The following CFAP61 variants were observed in gnomAD, a reference collection of about 807,000 sequenced individuals.
CFAP61 encodes the protein cilia- and flagella-associated protein 61.
Under a neutral mutation model 135.6 loss-of-function variants are expected in CFAP61, and 107 were observed. The observed-to-expected ratio is 0.79, with a 90% CI of 0.67 to 0.93. The LOEUF is 0.93. Ranked by LOEUF, CFAP61 falls within the 40% of genes least tolerant of loss-of-function variation. The pLI is 0.00. For missense variants in CFAP61, 1,507 were observed against 1,556.2 expected (o/e 0.97, Z 0.53); for synonymous variants, 575 against 578.5 (o/e 0.99, Z 0.09).
chr20:20,117,502 A>C (rs1192977670), intron 8 of CFAP61, among the ~76,000 whole-genome samples: 1 of 152,192 alleles, frequency 6.6e-6, no homozygotes, highest in Non-Finnish European at 1.5e-5. Context: ...TTTGTAGTAC[A>C]TTTTAAAGTC....
At chr20:20,305,818 G>T (rs1043678972) in intron 25 of CFAP61, among the ~76,000 whole-genome samples, 12 of 152,162 alleles carry the variant, frequency 7.9e-5, no homozygotes, top group Non-Finnish European at 2.9e-5. Context: ...AGGTCAGTTT[G>T]CTCACGTACT....
intron 2 of CFAP61, among the ~76,000 whole-genome samples, chr20:20,067,372 A>T (rs2045351695): frequency 6.6e-6 from 1 of 152,114 alleles, no homozygotes; most frequent in Non-Finnish European, 1.5e-5. Context: ...CACGAGGTCA[A>T]GAGATCCAGA....
chr20:20,243,469 C>A (rs1359885695), intron 18 of CFAP61, among the ~76,000 whole-genome samples: 2 of 151,138 alleles, frequency 1.3e-5, no homozygotes, highest in Non-Finnish European at 2.9e-5. Flanking sequence ...TGGAGTTTCA[C>A]TCTTGTTGCC....
rs886437889 is a variant in CFAP61 at position 20,240,861 on chromosome 20, C to T, written c.2061-5256C>T. Among the ~76,000 whole-genome samples, 3 of 152,338 alleles carry T rather than the reference C, an allele frequency of 2.0e-5. No individual in the cohort carries two copies. In the South Asian group the frequency reaches 6.2e-4, roughly 32 times the overall value. ...AAGTCTCCTTAATAGGCAGCACTCT[C>T]TGCCCATTTCTCCTTCCTCTGCCTG... On this transcript the variant is annotated intron_variant, in intron 18 of 26. Coordinates refer to ENST00000245957, the MANE Select transcript of CFAP61 (RefSeq NM_015585.4).
chr20:20,073,411 A>G (rs911336973), intron 3 of CFAP61, among the ~76,000 whole-genome samples: 2 of 152,196 alleles, frequency 1.3e-5, no homozygotes, highest in African/African-American at 4.8e-5. Flanking sequence ...ATCCGACAGA[A>G]GTGGGGACAA....
At chr20:20,262,935 C>A in intron 20 of CFAP61, 21 bp from the exon 21 acceptor site, 1 of 1,539,178 alleles carries the variant, frequency 6.5e-7, no homozygotes, top group South Asian at 1.2e-5. Context: ...CTGAAATAAG[C>A]ATTTCTCTAA....
chr20:20,289,570 A>G (rs2147064546), intron 23 of CFAP61, among the ~76,000 whole-genome samples: 1 of 152,340 alleles, frequency 6.6e-6, no homozygotes, highest in Non-Finnish European at 1.5e-5. Flanking sequence ...GGAGGTTTAT[A>G]GATGAACCCA....
At chr20:20,057,883 G>A (rs934496235) in intron 2 of CFAP61, among the ~76,000 whole-genome samples, 16 of 151,836 alleles carry the variant, frequency 1.1e-4, no homozygotes, top group African/African-American at 3.6e-4. Context: ...ATGCCTAGCT[G>A]TTTTTGTTTG....
At chr20:20,272,409 G>C (rs6136982) in intron 21 of CFAP61, among the ~76,000 whole-genome samples, 4 of 152,162 alleles carry the variant, frequency 2.6e-5, no homozygotes, top group Non-Finnish European at 4.4e-5. Flanking sequence ...CTGGGCTACA[G>C]AGTGAGACTC....
chr20:20,182,969 G>C (rs2055219251), intron 13 of CFAP61, among the ~76,000 whole-genome samples: 1 of 152,154 alleles, frequency 6.6e-6, no homozygotes, highest in African/African-American at 2.4e-5. Flanking sequence ...AGAAAAGGAA[G>C]GAGCTAGATC....
intron 24 of CFAP61, among the ~76,000 whole-genome samples, chr20:20,296,065 CT>C (rs1400342975): frequency 3.6e-5 from 1 of 27,836 alleles, no homozygotes; most frequent in African/African-American, 1.4e-4. Flanking sequence ...CCTTCCTTCC[CT>C]TCCTTCCCTC....
At chr20:20,250,472 A>G (rs1029555887) in intron 19 of CFAP61, among the ~76,000 whole-genome samples, 2 of 152,166 alleles carry the variant, frequency 1.3e-5, no homozygotes, top group Non-Finnish European at 2.9e-5. Flanking sequence ...GCTGCCAAGC[A>G]TAGAAGTGGC....
intron 22 of CFAP61, among the ~76,000 whole-genome samples, chr20:20,279,255 C>T (rs2054000500): frequency 6.6e-6 from 1 of 152,166 alleles, no homozygotes; most frequent in Non-Finnish European, 1.5e-5. Flanking sequence ...GGAGTAAGGG[C>T]AGCAACCCTC....
At chr20:20,320,876 A>G (rs2057478332) in intron 25 of CFAP61, among the ~76,000 whole-genome samples, 1 of 151,806 alleles carries the variant, frequency 6.6e-6, no homozygotes, top group Non-Finnish European at 1.5e-5. Context: ...CAGGTGGGCC[A>G]AAGAGGAGAG....
At chr20:20,091,227 G>A (rs1568879832) in intron 7 of CFAP61, among the ~76,000 whole-genome samples, 1 of 152,308 alleles carries the variant, frequency 6.6e-6, no homozygotes, top group East Asian at 1.9e-4. Flanking sequence ...TAGAGTGAGA[G>A]GGAATGGAAA....
intron 21 of CFAP61, 98 bp downstream of exon 21, chr20:20,263,228 A>G (rs753834457): frequency 3.1e-5 from 25 of 810,478 alleles, no homozygotes; most frequent in Non-Finnish European, 4.1e-5. Flanking sequence ...TTAGTGCCTA[A>G]TTAATTCCAA....
chr20:20,101,026 A>G (rs1206399234), intron 8 of CFAP61, among the ~76,000 whole-genome samples: 4 of 152,226 alleles, frequency 2.6e-5, no homozygotes, highest in African/African-American at 4.8e-5. Flanking sequence ...TGAAATTTTC[A>G]CCAGGGAGCT....
chr20:20,228,478 G>A, intron 18 of CFAP61, 102 bp downstream of exon 18: 1 of 980,162 alleles, frequency 1.0e-6, no homozygotes, highest in Non-Finnish European at 1.6e-6. Context: ...GAGATTGTTT[G>A]GTACTCCACA....
At chr20:20,216,359 A>G (rs535557655) in intron 17 of CFAP61, among the ~76,000 whole-genome samples, 1 of 152,360 alleles carries the variant, frequency 6.6e-6, no homozygotes, top group African/African-American at 2.4e-5. Flanking sequence ...ATGCTTGCCT[A>G]GTCCCTTCCA....
Sources: gnomAD v4.1 joint callset for allele counts (sites outside exome capture counted in the v4.1 genomes callset) on GRCh38, gnomAD v4.1.1 for gene constraint, MANE v1.5 for transcripts, NCBI Gene and HGNC (gene_info 2026-07-23, HGNC 2026-07-21) for gene names.